Variants in NALCN observed in about 807,000 individuals in gnomAD.
NALCN encodes the protein sodium leak channel, non-selective, also known as sodium leak channel NALCN.
In NALCN, 111 loss-of-function variants were observed where a neutral mutation model predicts 225.3. That is an observed-to-expected ratio of 0.49 (90% CI 0.42 to 0.58). The LOEUF (loss-of-function observed/expected upper bound fraction) is 0.58, where lower values mean the gene tolerates loss of function less well. NALCN is among the 20% of genes least tolerant of loss of function. NALCN has a pLI of 0.00. For missense variants in NALCN, 1,378 were observed against 2,202.4 expected, an observed-to-expected ratio of 0.63 and a Z score of 7.49; for synonymous variants, 764 against 769.0, an observed-to-expected ratio of 0.99 and a Z score of 0.11.
chr13:101,240,168 C>T (rs1390276349), intron 11 of NALCN, among the ~76,000 whole-genome samples: 1 of 151,928 alleles, frequency 6.6e-6, no homozygotes, highest in Admixed American at 6.6e-5. Flanking sequence ...TCACATATGT[C>T]TACAACTTTA....
intron 35 of NALCN, among the ~76,000 whole-genome samples, 160 bp downstream of exon 35, chr13:101,075,713 C>A (rs976982340): frequency 2.0e-5 from 3 of 151,986 alleles, no homozygotes; most frequent in Non-Finnish European, 4.4e-5. Flanking sequence ...GCTACTGATT[C>A]ATTTAACAAT....
At chr13:101,401,865 A>G (rs1174985636) in intron 1 of NALCN, among the ~76,000 whole-genome samples, 3 of 152,220 alleles carry the variant, frequency 2.0e-5, no homozygotes, top group Non-Finnish European at 4.4e-5. Flanking sequence ...TTAATTTAAT[A>G]CTATTAAATA....
intron 7 of NALCN, among the ~76,000 whole-genome samples, chr13:101,317,803 G>T (rs1322612955): frequency 2.6e-5 from 4 of 152,040 alleles, no homozygotes. Context: ...TTATTATAAT[G>T]CTTACCTCTG....
At chr13:101,100,098 G>A (rs2034725803) in intron 27 of NALCN, among the ~76,000 whole-genome samples, 1 of 152,138 alleles carries the variant, frequency 6.6e-6, no homozygotes, top group African/African-American at 2.4e-5. Flanking sequence ...CTTGTTGGTT[G>A]TCATAAAGAG....
At chr13:101,210,796 G>A (rs1397942665) in intron 13 of NALCN, among the ~76,000 whole-genome samples, 5 of 152,138 alleles carry the variant, frequency 3.3e-5, no homozygotes, top group Non-Finnish European at 7.4e-5. Context: ...CTGTTTACAT[G>A]GCAGGCGCAG....
At position 101,236,099 on chromosome 13, in the gene NALCN, G is replaced by A. The variant is rs1364001387; in HGVS notation, c.1434+1656C>T. Reference sequence around the variant, plus strand: ...TTTCCATGATAAATTATATAAATGCGAAGGACATGAACAGACACTTCTCAA... The same window carrying A: ...TTTCCATGATAAATTATATAAATGCAAAGGACATGAACAGACACTTCTCAA... On this transcript the variant is annotated intron_variant, in intron 12 of 43. Transcript: ENST00000251127. Among the ~76,000 whole-genome samples the A allele has an allele frequency of 5.3e-5, 8 of 151,918 alleles. No homozygotes were observed. In the East Asian group the frequency reaches 5.8e-4, roughly 11 times the overall value.
chr13:101,126,910 A>G (rs540997805), intron 17 of NALCN, among the ~76,000 whole-genome samples: 1 of 152,264 alleles, frequency 6.6e-6, no homozygotes, highest in East Asian at 1.9e-4. Flanking sequence ...ATCATCGTGG[A>G]GCATCTGCTC....
In NALCN at chr13:101,104,698, G is replaced by A. The variant is rs1566817197; in HGVS notation, c.2637-48C>T. 2 of 1,610,046 alleles carry A rather than the reference G, an allele frequency of 1.2e-6. No homozygotes were observed. Among genetic ancestry groups the A allele is most frequent in the Non-Finnish European group, 1.7e-6 (2 of 1,177,882 alleles). ...GAGAAACATAAAGGTTCCAGGAAAGGCTTCTAAGAGTTAGAGATGATGGCT... is the reference window on the plus strand; with the variant it reads ...GAGAAACATAAAGGTTCCAGGAAAGACTTCTAAGAGTTAGAGATGATGGCT... On this transcript the variant is annotated intron_variant, in intron 23 of 43. Coordinates refer to ENST00000251127, the MANE Select transcript of NALCN (RefSeq NM_052867.4). This position sits in a 1 kb window ranked among gnomAD's most constrained non-coding sequence, Gnocchi z 4.2.
chr13:101,249,633 C>G (rs985212129), intron 11 of NALCN, among the ~76,000 whole-genome samples: 4 of 151,936 alleles, frequency 2.6e-5, no homozygotes, highest in Admixed American at 2.6e-4. Context: ...ATATACTGCA[C>G]TAAGAAATTA....
intron 11 of NALCN, among the ~76,000 whole-genome samples, chr13:101,253,504 G>C (rs1489355148): frequency 6.6e-6 from 1 of 152,082 alleles, no homozygotes; most frequent in Non-Finnish European, 1.5e-5. Flanking sequence ...AACTTGAATT[G>C]CTGTTATTAT....
chr13:101,287,316 A>T (rs547749074), intron 9 of NALCN, among the ~76,000 whole-genome samples: 2 of 152,216 alleles, frequency 1.3e-5, no homozygotes, highest in African/African-American at 4.8e-5. Flanking sequence ...AAAAGTTAAC[A>T]TGAGGCCAGA....
chr13:101,137,182 C>T (rs955355612), intron 17 of NALCN, among the ~76,000 whole-genome samples: 4 of 152,128 alleles, frequency 2.6e-5, no homozygotes, highest in Non-Finnish European at 5.9e-5. Flanking sequence ...ACATGAGGAA[C>T]ACCAATTCTT....
intron 17 of NALCN, among the ~76,000 whole-genome samples, chr13:101,138,867 T>A (rs1011153060): frequency 6.6e-6 from 1 of 152,202 alleles, no homozygotes; most frequent in African/African-American, 2.4e-5. Flanking sequence ...GTAGAAATTG[T>A]TGCTTGATTT....
intron 7 of NALCN, among the ~76,000 whole-genome samples, chr13:101,293,818 A>C (rs1206452193): frequency 2.0e-5 from 3 of 152,240 alleles, no homozygotes; most frequent in African/African-American, 7.2e-5. Context: ...ATTATGCATT[A>C]ATGTGTGCTA....
At chr13:101,269,100 T>C (rs1005549391) in intron 10 of NALCN, among the ~76,000 whole-genome samples, 2 of 152,096 alleles carry the variant, frequency 1.3e-5, no homozygotes, top group Middle Eastern at 3.2e-3. Flanking sequence ...AACAATGAAG[T>C]GTTCACTTTG....
chr13:101,080,717 A>G (rs1410353685), intron 34 of NALCN, among the ~76,000 whole-genome samples: 11 of 146,494 alleles, frequency 7.5e-5, no homozygotes, highest in African/African-American at 2.7e-4. Context: ...CTTTTAATTA[A>G]TACATATTTT....
At chr13:101,062,761 G>A (rs1290426126) in intron 40 of NALCN, among the ~76,000 whole-genome samples, 15 of 152,050 alleles carry the variant, frequency 9.9e-5, no homozygotes, top group Admixed American at 5.9e-4. Flanking sequence ...GTGCCACCAC[G>A]CCCAGCTAGT....
intron 12 of NALCN, among the ~76,000 whole-genome samples, chr13:101,234,119 A>G (rs1381403192): frequency 6.6e-6 from 1 of 152,132 alleles, no homozygotes; most frequent in Non-Finnish European, 1.5e-5. Flanking sequence ...CCCCTACTAC[A>G]CAATCTCTAT....
At chr13:101,307,493 G>A (rs1299005791) in intron 7 of NALCN, among the ~76,000 whole-genome samples, 1 of 152,190 alleles carries the variant, frequency 6.6e-6, no homozygotes, top group Non-Finnish European at 1.5e-5. Context: ...GTGGATGTCT[G>A]GAGCGGCATT....
Sources: gnomAD v4.1 joint callset for allele counts (sites outside exome capture counted in the v4.1 genomes callset) on GRCh38, gnomAD v4.1.1 for gene constraint, Gnocchi (gnomAD v3.1) non-coding constraint, MANE v1.5 for transcripts, NCBI Gene and HGNC (gene_info 2026-07-23, HGNC 2026-07-21) for gene names.